ZNF469: variants seen among roughly 807,000 people sequenced by gnomAD.
ZNF469 encodes zinc finger protein 469.
Under a neutral mutation model 1.0 loss-of-function variants are expected in ZNF469, and 1 was observed. That is an observed-to-expected ratio of 1.00 (90% CI 0.35 to 4.73). The LOEUF is 4.73. Ranked by LOEUF, ZNF469 falls within the 30% of genes most tolerant of loss-of-function variation. ZNF469 has a pLI of 0.16. For missense variants in ZNF469, 6,100 were observed against 5,356.3 expected (o/e 1.14, Z -4.33); for synonymous variants, 2,703 against 2,363.4 (o/e 1.14, Z -4.17).
At chr16:88,204,759 C>G in the ZNF469 span, among the ~76,000 whole-genome samples, 2 of 152,200 alleles carry the variant, frequency 1.3e-5, no homozygotes, top group Non-Finnish European at 2.9e-5. Flanking sequence ...CTTCTGGAAT[C>G]TAAAGGGTCC....
chr16:88,225,279 C>T, the ZNF469 span, among the ~76,000 whole-genome samples: 1 of 152,248 alleles, frequency 6.6e-6, no homozygotes, highest in Non-Finnish European at 1.5e-5. Context: ...ATTCTGATTT[C>T]CCGATGTGGC....
the ZNF469 span, among the ~76,000 whole-genome samples, chr16:88,324,771 C>T: frequency 6.6e-6 from 1 of 152,192 alleles, no homozygotes. Flanking sequence ...TGTAAACTGT[C>T]ATGGTGCCGG....
chr16:88,376,507 C>T, the ZNF469 span, among the ~76,000 whole-genome samples: 5 of 152,212 alleles, frequency 3.3e-5, no homozygotes, highest in African/African-American at 4.8e-5. Flanking sequence ...CCGGGGCCCT[C>T]GCTCTGCCGC....
At chr16:88,368,992 T>C in the ZNF469 span, among the ~76,000 whole-genome samples, 3 of 151,816 alleles carry the variant, frequency 2.0e-5, no homozygotes, top group Non-Finnish European at 1.5e-5. Context: ...GGCAGGAAAA[T>C]TGCTCGAACC....
chr16:88,106,918 G>A, the ZNF469 span, among the ~76,000 whole-genome samples: 12 of 152,338 alleles, frequency 7.9e-5, no homozygotes, highest in South Asian at 2.1e-4. Context: ...GGTGATTTTC[G>A]GTAGAAACAG....
the ZNF469 span, among the ~76,000 whole-genome samples, chr16:88,227,606 A>T: frequency 6.4e-4 from 21 of 33,040 alleles, no homozygotes; most frequent in African/African-American, 2.3e-3. Flanking sequence ...GAGTCTCCCC[A>T]CTGCCCCATC....
At chr16:88,228,966 G>C in the ZNF469 span, among the ~76,000 whole-genome samples, 1 of 152,172 alleles carries the variant, frequency 6.6e-6, no homozygotes, top group African/African-American at 2.4e-5. Context: ...CAGCAGCCGG[G>C]CACCCATATC....
the ZNF469 span, among the ~76,000 whole-genome samples, chr16:88,334,070 G>C: frequency 6.6e-6 from 1 of 151,656 alleles, no homozygotes; most frequent in Non-Finnish European, 1.5e-5. Flanking sequence ...GTGTGTGTCT[G>C]TGTGTGTGTG....
chr16:88,371,742 G>A, the ZNF469 span, among the ~76,000 whole-genome samples: 1 of 151,950 alleles, frequency 6.6e-6, no homozygotes, highest in Non-Finnish European at 1.5e-5. Flanking sequence ...CTTGTTCTCA[G>A]TGACATCAAC....
Position 88,388,423 on chromosome 16 carries a change from T to C in ZNF469, c.-192+5169T>C, listed in dbSNP as rs549993014. Among the ~76,000 whole-genome samples the C allele has an allele frequency of 7.2e-5, 11 of 152,276 alleles. No individual in the cohort carries two copies. In the East Asian group the frequency reaches 2.1e-3, roughly 29 times the overall value. ...CTACCGGCCGGGCACGGCAGCCGCC[T>C]GCAGAATGTGACCGTTGGGAGCGTC... On this transcript the variant is annotated intron_variant, in intron 1 of 2. Transcript: ENST00000565624.
chr16:88,249,423 C>CT, the ZNF469 span, among the ~76,000 whole-genome samples: 162 of 61,706 alleles, frequency 2.6e-3, 7 homozygotes, highest in African/African-American at 6.5e-3. Context: ...CTTTCTTTTT[C>CT]TTTTTCTTTT....
At chr16:88,198,296 G>A in the ZNF469 span, among the ~76,000 whole-genome samples, 7 of 152,220 alleles carry the variant, frequency 4.6e-5, no homozygotes, top group Non-Finnish European at 1.0e-4. Flanking sequence ...GGTCAGGGAC[G>A]TCCTCCCCAG....
chr16:88,348,631 C>T, the ZNF469 span, among the ~76,000 whole-genome samples: 1 of 152,192 alleles, frequency 6.6e-6, no homozygotes, highest in Admixed American at 6.5e-5. Context: ...TGAGGGACAG[C>T]ACTGACCAGG....
chr16:88,405,038 G>A (rs1904988761), intron 1 of ZNF469, among the ~76,000 whole-genome samples: 1 of 152,156 alleles, frequency 6.6e-6, no homozygotes, highest in South Asian at 2.1e-4. Context: ...CGGGGAGGGG[G>A]TCAGCCCTCC....
At chr16:88,305,588 ACG>A in the ZNF469 span, among the ~76,000 whole-genome samples, 3 of 148,498 alleles carry the variant, frequency 2.0e-5, no homozygotes, top group East Asian at 6.4e-4. Flanking sequence ...ACAGGCACAC[ACG>A]CACACCCTCA....
chr16:88,315,416 C>T, the ZNF469 span, among the ~76,000 whole-genome samples: 1 of 152,244 alleles, frequency 6.6e-6, no homozygotes, highest in African/African-American at 2.4e-5. Flanking sequence ...CCAGGCCACG[C>T]ACGCACACAA....
the ZNF469 span, among the ~76,000 whole-genome samples, chr16:88,284,949 A>C: frequency 2.0e-3 from 310 of 152,350 alleles, 2 homozygotes; most frequent in African/African-American, 7.1e-3. Flanking sequence ...TGCTGATTGC[A>C]CTGAGATGTT....
the ZNF469 span, among the ~76,000 whole-genome samples, chr16:88,124,784 A>G: frequency 6.6e-6 from 1 of 152,152 alleles, no homozygotes; most frequent in Admixed American, 6.5e-5. Context: ...GGGTTTCTCC[A>G]TATTGGCCAG....
At chr16:88,247,735 CAATG>C in the ZNF469 span, among the ~76,000 whole-genome samples, 2 of 144,518 alleles carry the variant, frequency 1.4e-5, no homozygotes, top group African/African-American at 5.2e-5. Flanking sequence ...GTGAGTGAGT[CAATG>C]AGTGAGTGAA....
Sources: allele counts gnomAD v4.1 joint callset (sites outside exome capture counted in the v4.1 genomes callset), GRCh38; gene constraint gnomAD v4.1.1; transcripts MANE v1.5; gene names NCBI Gene and HGNC (gene_info 2026-07-23, HGNC 2026-07-21).